Variants in GDAP1 observed in about 807,000 individuals in gnomAD.
GDAP1 encodes ganglioside induced differentiation associated protein 1.
Under a neutral mutation model 40.1 loss-of-function variants are expected in GDAP1, and 34 were observed. That is an observed-to-expected ratio of 0.85 (90% CI 0.64 to 1.13). The LOEUF is 1.13. Among genes scored for constraint, GDAP1 ranks in the 50% most tolerant of loss-of-function variants. GDAP1 has a pLI of 0.00. For missense variants in GDAP1, 374 were observed against 433.7 expected (o/e 0.86, Z 1.22); for synonymous variants, 170 against 157.4 (o/e 1.08, Z -0.60).
chr8:74,357,491 GTTTC>G (rs1438159400), intron 2 of GDAP1, among the ~76,000 whole-genome samples: 1 of 152,034 alleles, frequency 6.6e-6, no homozygotes, highest in Non-Finnish European at 1.5e-5. Flanking sequence ...TGCTTTTATT[GTTTC>G]TTTCTGATTT....
downstream of GDAP1, among the ~76,000 whole-genome samples, chr8:74,371,388 C>T (rs536781863): frequency 3.9e-5 from 6 of 152,262 alleles, no homozygotes; most frequent in South Asian, 4.1e-4. Flanking sequence ...TGGCCGGGCG[C>T]GGTGGCTCAC....
intron 2 of GDAP1, among the ~76,000 whole-genome samples, chr8:74,377,590 A>G (rs1809878853): frequency 6.6e-6 from 1 of 152,358 alleles, no homozygotes; most frequent in Admixed American, 6.5e-5. Flanking sequence ...CTTTATATCT[A>G]CTAGACTGGG....
intron 2 of GDAP1, among the ~76,000 whole-genome samples, chr8:74,405,150 G>C (rs972673293): frequency 6.7e-6 from 1 of 149,970 alleles, no homozygotes; most frequent in South Asian, 2.1e-4. Context: ...GCAAAAGGAC[G>C]TCATACATGG....
intron 2 of GDAP1, among the ~76,000 whole-genome samples, chr8:74,438,724 C>T (rs2131570050): frequency 6.6e-6 from 1 of 152,214 alleles, no homozygotes; most frequent in South Asian, 2.1e-4. Flanking sequence ...CCTCAGCCTC[C>T]CAAGTGGCTG....
chr8:74,485,605 G>A (rs566323120), intron 2 of GDAP1, among the ~76,000 whole-genome samples: 66 of 152,138 alleles, frequency 4.3e-4, no homozygotes, highest in African/African-American at 1.2e-3. Flanking sequence ...GTTATTATTC[G>A]GGAGAGAGTT....
intron 2 of GDAP1, among the ~76,000 whole-genome samples, chr8:74,404,352 T>A (rs900574441): frequency 8.7e-5 from 13 of 149,444 alleles, no homozygotes; most frequent in Admixed American, 2.0e-4. Flanking sequence ...AGTAATATCA[T>A]TAATAGTAAT....
intron 2 of GDAP1, among the ~76,000 whole-genome samples, chr8:74,485,717 A>G (rs1806767946): frequency 6.6e-6 from 1 of 152,072 alleles, no homozygotes; most frequent in African/African-American, 2.4e-5. Context: ...AAAAAAAATC[A>G]CAGAAGCAGG....
intron 2 of GDAP1, among the ~76,000 whole-genome samples, chr8:74,386,181 C>T (rs938901823): frequency 3.9e-5 from 6 of 152,154 alleles, no homozygotes; most frequent in African/African-American, 1.2e-4. Flanking sequence ...TGTGCAGAAG[C>T]TCTTTAGTTT....
chr8:74,461,330 A>G (rs1332391066), intron 2 of GDAP1, among the ~76,000 whole-genome samples: 2 of 152,210 alleles, frequency 1.3e-5, no homozygotes, highest in Admixed American at 6.5e-5. Flanking sequence ...TTAAATAAAC[A>G]TACATATTAT....
intron 2 of GDAP1, among the ~76,000 whole-genome samples, chr8:74,463,258 C>A (rs560098778): frequency 7.1e-6 from 1 of 141,240 alleles, no homozygotes; most frequent in African/African-American, 2.7e-5. Context: ...TTGAGACCAG[C>A]CTTAGGAACA....
chr8:74,399,325 G>T lies in GDAP1; in HGVS notation c.165+48004G>T, dbSNP rs533588086. 4.0e-4 allele frequency among the ~76,000 whole-genome samples: 60 copies of T among 150,128 alleles called. 1 individual carries two copies. The highest frequency in any genetic ancestry group is 3.4e-3 in the Middle Eastern group (1 of 294). On this transcript the variant is annotated intron_variant, in intron 2 of 2. Transcript: ENST00000523640. Reference sequence around the variant, plus strand: ...TTATCCATTTCTTCTAGATTTTCTAGTTTATTTGCATAGAGGTGTTTGTAG... The same window carrying T: ...TTATCCATTTCTTCTAGATTTTCTATTTTATTTGCATAGAGGTGTTTGTAG...
At chr8:74,379,171 T>A (rs1387567153) in intron 2 of GDAP1, among the ~76,000 whole-genome samples, 3 of 151,944 alleles carry the variant, frequency 2.0e-5, no homozygotes, top group African/African-American at 7.3e-5. Flanking sequence ...TGAGGGCAGT[T>A]CCAACTTTCA....
At position 74,351,086 on chromosome 8, in the gene GDAP1, GTTC is replaced by G. The variant is rs541070985; in HGVS notation, c.118-183_118-181del. On this transcript the variant is annotated intron_variant, in intron 1 of 5. Coordinates refer to ENST00000220822, the MANE Select transcript of GDAP1 (RefSeq NM_018972.4). ...AGAATCATTTCATTACTTATTTTGT[GTTC>G]TTCTCTTAATTTGTTGAGTATTGTT... is the stretch of plus-strand genomic sequence containing the variant. 5.9e-5 allele frequency among the ~76,000 whole-genome samples: 9 copies of G among 152,160 alleles called. No individual in the cohort carries two copies. The South Asian group carries it at 1.2e-3, about 21-fold the overall frequency.
At chr8:74,392,284 T>C (rs931279354) in intron 2 of GDAP1, among the ~76,000 whole-genome samples, 4 of 152,348 alleles carry the variant, frequency 2.6e-5, no homozygotes, top group African/African-American at 9.6e-5. Context: ...CCCAGTTTTA[T>C]CAATGTGATA....
intron 2 of GDAP1, among the ~76,000 whole-genome samples, chr8:74,411,921 G>A (rs965667059): frequency 2.7e-5 from 4 of 149,676 alleles, no homozygotes; most frequent in African/African-American, 7.7e-5. Context: ...TATAACTTAT[G>A]AGAATTAACT....
At position 74,360,217 on chromosome 8, in the gene GDAP1, T is replaced by C. The variant is rs1347712482; in HGVS notation, c.391T>C (p.Leu131=). 2 of 1,613,570 alleles carry C rather than the reference T, an allele frequency of 1.2e-6. No homozygotes were observed. Among genetic ancestry groups the C allele is most frequent in the Non-Finnish European group, 1.7e-6 (2 of 1,179,446 alleles). Residue 131 remains leucine, a synonymous_variant, in exon 3 of 6, where the codon TTG becomes CTG. Transcript: ENST00000220822. Reference sequence around the variant, plus strand: ...ACATTACCGAGAGCTGCTTGACTCCTTGCCAATGGATGCCTATACACATGG... The same window carrying C: ...ACATTACCGAGAGCTGCTTGACTCCCTGCCAATGGATGCCTATACACATGG... ...VQHYRELLDS[L]PMDAYTHGCI...
chr8:74,416,108 G>T (rs1586827851), intron 2 of GDAP1, among the ~76,000 whole-genome samples: 1 of 149,822 alleles, frequency 6.7e-6, no homozygotes, highest in Non-Finnish European at 1.5e-5. Context: ...AGGCAGCTAT[G>T]CTCTTCCCTG....
intron 2 of GDAP1, among the ~76,000 whole-genome samples, chr8:74,482,654 A>G (rs67072104): frequency 0.052 from 7,856 of 152,222 alleles, 297 homozygotes; most frequent in East Asian, 0.098. Flanking sequence ...TTTGGAAGCA[A>G]CGTTTCCAGG....
At chr8:74,394,169 C>T (rs1010151332) in intron 2 of GDAP1, among the ~76,000 whole-genome samples, 1 of 152,122 alleles carries the variant, frequency 6.6e-6, no homozygotes, top group Admixed American at 6.5e-5. Flanking sequence ...TGGCTGGAGG[C>T]AAAGAGAGAG....
Sources: allele counts gnomAD v4.1 joint callset (sites outside exome capture counted in the v4.1 genomes callset), GRCh38; gene constraint gnomAD v4.1.1; transcripts MANE v1.5; gene names NCBI Gene and HGNC (gene_info 2026-07-23, HGNC 2026-07-21).